ZNF143: variants seen among roughly 807,000 people sequenced by gnomAD.
ZNF143 encodes zinc finger protein 143.
In ZNF143, 49 loss-of-function variants were observed where a neutral mutation model predicts 74.1. That is an observed-to-expected ratio of 0.66 (90% confidence interval 0.53 to 0.84). ZNF143 has a LOEUF of 0.84. Ranked by LOEUF, ZNF143 falls within the 40% of genes least tolerant of loss-of-function variation. ZNF143 has a pLI of 0.00. For synonymous variants in ZNF143, 304 were observed against 282.8 expected (o/e 1.07, Z -0.75); for missense variants, 637 against 793.4 (o/e 0.80, Z 2.37).
At chr11:9,501,057 G>A (rs761329710) in intron 10 of ZNF143, 34 bp from the exon 11 acceptor site, 21 of 1,609,360 alleles carry the variant, frequency 1.3e-5, no homozygotes, top group Non-Finnish European at 1.8e-5. Flanking sequence ...ATATATTTTT[G>A]CACCATTTAA....
chr11:9,509,894 A>G (rs1848479826), intron 12 of ZNF143, among the ~76,000 whole-genome samples: 2 of 152,320 alleles, frequency 1.3e-5, no homozygotes, highest in South Asian at 4.1e-4. Flanking sequence ...TAAGTTCTGG[A>G]GATCTGCACA....
At chr11:9,525,476 A>C (rs1387095985) in intron 15 of ZNF143, 90 bp downstream of exon 15, 1 of 1,519,554 alleles carries the variant, frequency 6.6e-7, no homozygotes, top group Admixed American at 1.7e-5. Context: ...TAACCTTTAC[A>C]GGAGGCAAGG....
At chr11:9,472,931 T>A (rs890447779) in intron 3 of ZNF143, among the ~76,000 whole-genome samples, 162 bp downstream of exon 3, 1 of 151,348 alleles carries the variant, frequency 6.6e-6, no homozygotes, top group African/African-American at 2.4e-5. Context: ...TTTTTTTTTT[T>A]ATAATTTGGA....
intron 1 of ZNF143, among the ~76,000 whole-genome samples, chr11:9,465,307 C>T (rs954993817): frequency 6.6e-6 from 1 of 151,978 alleles, no homozygotes; most frequent in African/African-American, 2.4e-5. Context: ...CTGCCTCAGC[C>T]TCCCAAGTAG....
At chr11:9,524,674 C>T (rs762763765) in intron 14 of ZNF143, among the ~76,000 whole-genome samples, 2 of 151,974 alleles carry the variant, frequency 1.3e-5, no homozygotes, top group Non-Finnish European at 2.9e-5. Flanking sequence ...CCACAAAAGC[C>T]CTTTTAATCC....
At chr11:9,507,267 A>G (rs765428865) in intron 11 of ZNF143, among the ~76,000 whole-genome samples, 8 of 152,168 alleles carry the variant, frequency 5.3e-5, no homozygotes, top group Non-Finnish European at 1.0e-4. Flanking sequence ...ACACTTTCAT[A>G]TGTACATTTT....
intron 14 of ZNF143, among the ~76,000 whole-genome samples, chr11:9,519,294 C>T (rs868378961): frequency 6.6e-6 from 1 of 151,930 alleles, no homozygotes; most frequent in South Asian, 2.1e-4. Flanking sequence ...TCACTGCAAC[C>T]TCCCGCGCCT....
At position 9,497,682 on chromosome 11, in the gene ZNF143, A is replaced by T; in HGVS notation, c.849A>T (p.Gly283=). The T allele has an allele frequency of 1.3e-6, 2 of 1,598,070 alleles. No individual in the cohort carries two copies. Among genetic ancestry groups the T allele is most frequent in the Non-Finnish European group, 1.7e-6 (2 of 1,170,296 alleles). The part of the protein sequence containing the change: ...GCGKAFATGY[G]LKSHVRTHTG... Reference sequence around the variant, plus strand: ...TTTAATTTTTTCTTAAAGGTTATGGATTAAAAAGTCACGTCAGAACTCATA... The same window carrying T: ...TTTAATTTTTTCTTAAAGGTTATGGTTTAAAAAGTCACGTCAGAACTCATA... The change falls in exon 10 of 16, where the codon GGA becomes GGT. Residue 283 remains glycine, a synonymous_variant. Coordinates refer to ENST00000396602, the MANE Select transcript of ZNF143 (RefSeq NM_003442.6).
chr11:9,492,474 T>C (rs1489296002), intron 7 of ZNF143, among the ~76,000 whole-genome samples: 1 of 151,456 alleles, frequency 6.6e-6, no homozygotes, highest in African/African-American at 2.4e-5. Flanking sequence ...GTCTTGAACT[T>C]GACCTCAGGT....
chr11:9,461,307 G>A (rs1211682936), intron 1 of ZNF143, among the ~76,000 whole-genome samples: 2 of 152,112 alleles, frequency 1.3e-5, no homozygotes, highest in Non-Finnish European at 2.9e-5. Context: ...TTTTCGTTGA[G>A]GACTCAACTC....
rs1192749619 is a variant in ZNF143, at chr11:9,500,653, A to G, written c.968-438A>G. Among the ~76,000 whole-genome samples the G allele has an allele frequency of 2.0e-5, 3 of 152,182 alleles. No individual in the cohort carries two copies. In the East Asian group the frequency reaches 5.8e-4, roughly 29 times the overall value. Reference sequence around the variant, plus strand: ...TTTCACCATGTTGGCCAGGCTGGTCAAAACACCATATTTTTAAAGAGCAAA... The same window carrying G: ...TTTCACCATGTTGGCCAGGCTGGTCGAAACACCATATTTTTAAAGAGCAAA... On this transcript the variant is annotated intron_variant, in intron 10 of 15. Transcript: ENST00000396602.
chr11:9,527,635 A>C lies in ZNF143; in HGVS notation c.*22A>C, dbSNP rs779122945. On this transcript the variant is annotated 3_prime_UTR_variant, in exon 16 of 16. Coordinates refer to ENST00000396602, the MANE Select transcript of ZNF143 (RefSeq NM_003442.6). ...TTAATCCTCAGAACAATGGAGCAAT[A>C]AAGCAGAAGGAGTCTTTCATCTTCT... The C allele has an allele frequency of 3.5e-5, 56 of 1,607,074 alleles. No individual in the cohort carries two copies. The highest frequency in any genetic ancestry group is 4.3e-5 in the Non-Finnish European group (51 of 1,174,192).
intron 3 of ZNF143, 82 bp downstream of exon 3, chr11:9,472,851 T>C: frequency 2.1e-6 from 2 of 950,390 alleles, no homozygotes; most frequent in Non-Finnish European, 3.0e-6. Context: ...CTATACCACC[T>C]TTCCTATGTC....
At chr11:9,510,733 CAT>C (rs1848512432) in intron 12 of ZNF143, among the ~76,000 whole-genome samples, 1 of 148,652 alleles carries the variant, frequency 6.7e-6, no homozygotes, top group Non-Finnish European at 1.5e-5. Flanking sequence ...GAGGGGGAAA[CAT>C]TTTTTTTTTG....
intron 11 of ZNF143, among the ~76,000 whole-genome samples, chr11:9,503,273 A>G (rs1054699479): frequency 6.6e-6 from 1 of 152,212 alleles, no homozygotes; most frequent in Non-Finnish European, 1.5e-5. Flanking sequence ...ATTAAGAATA[A>G]TAATAGATTA....
At chr11:9,515,951 C>A in intron 13 of ZNF143, among the ~76,000 whole-genome samples, 1 of 151,912 alleles carries the variant, frequency 6.6e-6, no homozygotes, top group East Asian at 1.9e-4. Context: ...CATCACTGCC[C>A]TCCAGCCTGG....
chr11:9,500,190 G>A (rs1279822538), intron 10 of ZNF143, among the ~76,000 whole-genome samples: 1 of 151,946 alleles, frequency 6.6e-6, no homozygotes, highest in African/African-American at 2.4e-5. Flanking sequence ...CAAGTGATCC[G>A]CCTGCCTTAG....
intron 15 of ZNF143, among the ~76,000 whole-genome samples, chr11:9,527,030 T>TC (rs1326461527): frequency 6.6e-6 from 1 of 152,188 alleles, no homozygotes; most frequent in Non-Finnish European, 1.5e-5. Context: ...AAATGGGGTT[T>TC]CACTGTGTTA....
At chr11:9,517,571 G>A (rs903843555) in intron 14 of ZNF143, among the ~76,000 whole-genome samples, 1 of 152,080 alleles carries the variant, frequency 6.6e-6, no homozygotes, top group Non-Finnish European at 1.5e-5. Context: ...TTCTCCTTCA[G>A]CATAGTCACC....
Sources: allele counts gnomAD v4.1 joint callset (sites outside exome capture counted in the v4.1 genomes callset), GRCh38; gene constraint gnomAD v4.1.1; transcripts MANE v1.5; gene names NCBI Gene and HGNC (gene_info 2026-07-23, HGNC 2026-07-21).